GRM3: variants seen among roughly 807,000 people sequenced by gnomAD.
The protein encoded by GRM3 is glutamate metabotropic receptor 3.
GRM3 carries 26 observed loss-of-function variants against 70.5 expected under a neutral mutation model. That is an observed-to-expected ratio of 0.37 (90% CI 0.27 to 0.51). The LOEUF (loss-of-function observed/expected upper bound fraction) is 0.51, where lower values mean the gene tolerates loss of function less well. Among genes scored for constraint, GRM3 ranks in the 20% least tolerant of loss-of-function variants. The probability of loss-of-function intolerance (pLI) is 0.93; values close to 1 mark genes in which losing one functional copy is unlikely to be tolerated. For synonymous variants in GRM3, 443 were observed against 434.9 expected (o/e 1.02, Z -0.23); for missense variants, 859 against 1,123.8 (o/e 0.76, Z 3.37).
At chr7:86,846,852 C>A (rs1410711904) in intron 4 of GRM3, among the ~76,000 whole-genome samples, 3 of 152,190 alleles carry the variant, frequency 2.0e-5, no homozygotes, top group South Asian at 2.1e-4. Context: ...GTTGGCGTTT[C>A]TTCCTCATTG....
chr7:86,725,325 G>A (rs1795566652), intron 1 of GRM3, among the ~76,000 whole-genome samples: 1 of 152,124 alleles, frequency 6.6e-6, no homozygotes, highest in Non-Finnish European at 1.5e-5. Flanking sequence ...TCTGAATGGT[G>A]TTGAACAACC....
intron 2 of GRM3, among the ~76,000 whole-genome samples, chr7:86,777,932 G>A (rs1796936286): frequency 6.6e-6 from 1 of 152,168 alleles, no homozygotes; most frequent in Non-Finnish European, 1.5e-5. Context: ...TTGTTTTTAT[G>A]TAATAACCTG....
At chr7:86,835,910 C>T (rs2116727477) in intron 3 of GRM3, among the ~76,000 whole-genome samples, 1 of 152,174 alleles carries the variant, frequency 6.6e-6, no homozygotes, top group East Asian at 1.9e-4. Context: ...TCACACCTGG[C>T]CTACATATTA....
Position 86,864,583 on chromosome 7 carries a change from G to T in GRM3, c.*228G>T. ...CCCCCAGAACATGGAAATAACCATT[G>T]TTTACAGAGCTGAGCATTGGTGACA... is the stretch of plus-strand genomic sequence containing the variant. On this transcript the variant is annotated 3_prime_UTR_variant, in exon 6 of 6. Coordinates refer to ENST00000361669, the MANE Select transcript of GRM3 (RefSeq NM_000840.3). 7 of 309,158 alleles carry T rather than the reference G, an allele frequency of 2.3e-5. No homozygotes were observed. Among genetic ancestry groups the T allele is most frequent in the East Asian group, 1.0e-4 (2 of 19,060 alleles). 19.2% of individuals were successfully genotyped at this position (309,158 alleles called of 1,614,324 possible).
intron 3 of GRM3, among the ~76,000 whole-genome samples, chr7:86,801,679 C>G (rs770293591): frequency 3.9e-5 from 6 of 152,232 alleles, no homozygotes; most frequent in African/African-American, 1.4e-4. Flanking sequence ...GTAACTTTTA[C>G]AATACACAGC....
intron 5 of GRM3, among the ~76,000 whole-genome samples, chr7:86,852,715 T>C (rs1289196032): frequency 6.6e-6 from 1 of 152,190 alleles, no homozygotes; most frequent in Non-Finnish European, 1.5e-5. Flanking sequence ...ATATAACATC[T>C]CTTGGCATTT....
chr7:86,788,483 A>T (rs1053290866), intron 3 of GRM3, among the ~76,000 whole-genome samples: 11 of 152,234 alleles, frequency 7.2e-5, no homozygotes, highest in African/African-American at 2.7e-4. Flanking sequence ...ACCACTTCTT[A>T]TCATTAGAAT....
intron 3 of GRM3, among the ~76,000 whole-genome samples, chr7:86,796,164 T>C (rs947273371): frequency 6.6e-6 from 1 of 152,248 alleles, no homozygotes; most frequent in African/African-American, 2.4e-5. Flanking sequence ...TTGTATTACC[T>C]AGTTTTTCTT....
intron 3 of GRM3, among the ~76,000 whole-genome samples, chr7:86,828,323 C>A (rs573283721): frequency 2.0e-5 from 3 of 152,112 alleles, no homozygotes; most frequent in Admixed American, 2.0e-4. Context: ...CATTATGAAG[C>A]ATATGAAGCA....
intron 3 of GRM3, chr7:86,832,937 T>G (rs1798383491): frequency 1.2e-6 from 1 of 824,562 alleles, no homozygotes. Flanking sequence ...GATGAGGAGC[T>G]TGAAATTAGA....
At chr7:86,792,615 T>C (rs1471811133) in intron 3 of GRM3, among the ~76,000 whole-genome samples, 1 of 152,218 alleles carries the variant, frequency 6.6e-6, no homozygotes, top group Non-Finnish European at 1.5e-5. Flanking sequence ...TAGTCATTCA[T>C]TCCACAGATA....
chr7:86,826,243 G>T (rs1204458412), intron 3 of GRM3, among the ~76,000 whole-genome samples: 1 of 152,196 alleles, frequency 6.6e-6, no homozygotes, highest in Non-Finnish European at 1.5e-5. Flanking sequence ...GCTGGGGATA[G>T]AAATTAAATG....
At chr7:86,795,405 A>C (rs1339045416) in intron 3 of GRM3, among the ~76,000 whole-genome samples, 1 of 151,844 alleles carries the variant, frequency 6.6e-6, no homozygotes, top group Non-Finnish European at 1.5e-5. Context: ...TCAACGCATC[A>C]TCTAGGTATT....
chr7:86,854,147 C>T (rs1208493265), intron 5 of GRM3, among the ~76,000 whole-genome samples: 2 of 152,156 alleles, frequency 1.3e-5, no homozygotes, highest in African/African-American at 4.8e-5. Flanking sequence ...TAATCCATTA[C>T]TGCATCTTAT....
In GRM3 at chr7:86,744,010, A is replaced by G. The variant is rs143921281; in HGVS notation, c.-140-20996A>G. On this transcript the variant is annotated intron_variant, in intron 1 of 5. Transcript: ENST00000361669. ...TTCTGGGGTAGGTATTATTAGCATC[A>G]TCTTACAGATAAGAAAACAGAGATG... Among the ~76,000 whole-genome samples the G allele has an allele frequency of 5.6e-4, 86 of 152,250 alleles. 1 individual carries two copies. Among genetic ancestry groups the G allele is most frequent in the African/African-American group, 2.0e-3 (83 of 41,546 alleles).
At chr7:86,699,808 A>G (rs1460344665) in intron 1 of GRM3, among the ~76,000 whole-genome samples, 1 of 151,964 alleles carries the variant, frequency 6.6e-6, no homozygotes, top group Non-Finnish European at 1.5e-5. Flanking sequence ...AGATGAGGAG[A>G]ACTAGCTTTT....
At chr7:86,785,416 C>G (rs1044636509) in intron 2 of GRM3, among the ~76,000 whole-genome samples, 1 of 151,852 alleles carries the variant, frequency 6.6e-6, no homozygotes, top group Non-Finnish European at 1.5e-5. Context: ...TGTTGATAGT[C>G]AATTATAAAA....
At chr7:86,708,070 C>T (rs1353033976) in intron 1 of GRM3, among the ~76,000 whole-genome samples, 1 of 152,084 alleles carries the variant, frequency 6.6e-6, no homozygotes, top group Non-Finnish European at 1.5e-5. Context: ...ACAGATAGAA[C>T]TGGGATTCTA....
In GRM3 at chr7:86,717,817, C is replaced by T. The variant is rs144437877; in HGVS notation, c.-140-47189C>T. ...TTAAAGAACAGGTAAATCTCTGCAGCACTATTGATTTCAAAAGCACGTAGG... is the reference window on the plus strand; with the variant it reads ...TTAAAGAACAGGTAAATCTCTGCAGTACTATTGATTTCAAAAGCACGTAGG... On this transcript the variant is annotated intron_variant, in intron 1 of 5. Transcript: ENST00000361669. 1.1e-4 allele frequency among the ~76,000 whole-genome samples: 17 copies of T among 151,964 alleles called. No individual in the cohort carries two copies. The East Asian group carries it at 2.3e-3, about 21-fold the overall frequency.
Sources: allele counts gnomAD v4.1 joint callset (sites outside exome capture counted in the v4.1 genomes callset), GRCh38; gene constraint gnomAD v4.1.1; transcripts MANE v1.5; gene names NCBI Gene and HGNC (gene_info 2026-07-23, HGNC 2026-07-21).